ACAD8: variants seen among roughly 807,000 people sequenced by gnomAD.
ACAD8 encodes the protein isobutyryl-CoA dehydrogenase, mitochondrial.
A neutral mutation model predicts 53.1 loss-of-function variants in ACAD8; 47 were observed. The ratio of observed to expected loss-of-function variants is 0.89; its 90% CI spans 0.70 to 1.13. The LOEUF (loss-of-function observed/expected upper bound fraction) is 1.13, where lower values mean the gene tolerates loss of function less well. ACAD8 is among the 50% of genes most tolerant of loss of function. ACAD8 has a pLI of 0.00. For synonymous variants in ACAD8, 198 were observed against 201.3 expected (o/e 0.98, Z 0.14); for missense variants, 494 against 535.0 (o/e 0.92, Z 0.76).
rs373549567 is a variant in ACAD8 at position 134,262,076 on chromosome 11, C to G, written c.1092+186C>G. 1.1e-4 allele frequency: 81 copies of G among 726,910 alleles called. No individual in the cohort carries two copies. In the South Asian group the frequency reaches 1.2e-3, roughly 11 times the overall value. 45.0% of individuals were successfully genotyped at this position (726,910 alleles called of 1,614,324 possible). ...GGAGCTCTCATCGCTGGCTTTTAGG[C>G]CTGCTGCATGCCATTATACACTTCA... On this transcript the variant is annotated intron_variant, in intron 9 of 10. Coordinates refer to ENST00000281182, the MANE Select transcript of ACAD8 (RefSeq NM_014384.3).
rs754957443 is a variant in ACAD8 at position 134,261,769 on chromosome 11, CAA to C, written c.972_973del (p.Arg325AlafsTer36). ...CAATTCACACTGGCTGATATGGCAA[CAA>C]GGCTGGTGGCCGCGCGGCTGATGGT... On this transcript the variant is annotated frameshift_variant, in exon 9 of 11. Transcript: ENST00000281182. LOFTEE classifies it high-confidence loss of function. The surrounding 1 kb of genome is among the most constrained non-coding windows in gnomAD (Gnocchi z 4.2). The C allele has an allele frequency of 6.2e-7, 1 of 1,614,122 alleles. No homozygotes were observed. The highest frequency in any genetic ancestry group is 1.7e-5 in the Admixed American group (1 of 60,022).
intron 3 of ACAD8, among the ~76,000 whole-genome samples, chr11:134,257,501 G>T (rs377623488): frequency 3.9e-5 from 6 of 152,068 alleles, no homozygotes; most frequent in African/African-American, 1.4e-4. Context: ...GTGAAACCCC[G>T]TCCCTGCTAA....
At chr11:134,263,339 C>G (rs988333038) in intron 10 of ACAD8, 48 of 990,392 alleles carry the variant, frequency 4.8e-5, no homozygotes, top group South Asian at 9.2e-5. Flanking sequence ...TTCACAGCAC[C>G]CTTCTCAAAC....
rs761351710 is a variant in ACAD8 at position 134,261,009 on chromosome 11, T to C, written c.706-35T>C. Reference sequence around the variant, plus strand: ...GGGAAGGCCGCCCTACCTGCTGGATTGTTGGGCAACCACGCAGTCCCTGAT... The same window carrying C: ...GGGAAGGCCGCCCTACCTGCTGGATCGTTGGGCAACCACGCAGTCCCTGAT... On this transcript the variant is annotated intron_variant, in intron 6 of 10. Coordinates refer to ENST00000281182, the MANE Select transcript of ACAD8 (RefSeq NM_014384.3). This position sits in a 1 kb window ranked among gnomAD's most constrained non-coding sequence, Gnocchi z 4.2. 16 of 1,608,782 alleles carry C rather than the reference T, an allele frequency of 9.9e-6. No homozygotes were observed. The East Asian group carries it at 3.6e-4, about 36-fold the overall frequency.
At chr11:134,257,328 G>C in intron 3 of ACAD8, 71 bp downstream of exon 3, 1 of 1,570,496 alleles carries the variant, frequency 6.4e-7, no homozygotes, top group Non-Finnish European at 8.7e-7. Context: ...AGATTCGTAG[G>C]AAAAAGATTG....
rs1286926434 is a variant in ACAD8, at chr11:134,255,357, A to T, written c.110-1191A>T. On this transcript the variant is annotated intron_variant, in intron 1 of 10. Transcript: ENST00000281182. ...CACCATGTTGGACAAGCTGGACTTG[A>T]ACTCCTGACCTCAAGTGATCCACCT... 2.0e-5 allele frequency among the ~76,000 whole-genome samples: 3 copies of T among 152,276 alleles called. No individual in the cohort carries two copies. The East Asian group carries it at 5.8e-4, about 29-fold the overall frequency.
intron 3 of ACAD8, chr11:134,258,161 T>G: frequency 2.8e-6 from 1 of 355,876 alleles, no homozygotes; most frequent in Admixed American, 4.0e-5. Context: ...CTCTCACCCT[T>G]TTCCTCAATC....
rs574096439 is a variant in ACAD8, at chr11:134,263,155, T to C, written c.1195+533T>C. On this transcript the variant is annotated intron_variant, in intron 10 of 10. Transcript: ENST00000281182. ...TTCTATCGAGGAAACATGGAAGCCGTTGGGGTCGGGCTCGGAGCCTGGCTG... is the reference window on the plus strand; with the variant it reads ...TTCTATCGAGGAAACATGGAAGCCGCTGGGGTCGGGCTCGGAGCCTGGCTG... 30 of 1,075,454 alleles carry C rather than the reference T, an allele frequency of 2.8e-5. No homozygotes were observed. In the African/African-American group the frequency reaches 4.9e-4, roughly 17 times the overall value. 66.6% of individuals were successfully genotyped at this position (1,075,454 alleles called of 1,614,324 possible).
chr11:134,265,208 T>A lies in ACAD8; in HGVS notation c.*248T>A. 1.8e-6 allele frequency: 1 copy of A among 565,106 alleles called. No individual in the cohort carries two copies. Among genetic ancestry groups the A allele is most frequent in the Non-Finnish European group, 3.1e-6 (1 of 317,700 alleles). 35.0% of individuals were successfully genotyped at this position (565,106 alleles called of 1,614,324 possible). A position where few individuals can be genotyped will look rare whatever the true frequency, so the allele number is the denominator to read the frequency against. ...AACACATACTACCTTGTTTTCCTAA[T>A]GCCAGAAGGGTGACCAGTGAAGATT... On this transcript the variant is annotated 3_prime_UTR_variant, in exon 11 of 11. Coordinates refer to ENST00000281182, the MANE Select transcript of ACAD8 (RefSeq NM_014384.3).
chr11:134,259,177 C>T lies in ACAD8; in HGVS notation c.567+93C>T, dbSNP rs73603085. ...TCCTTCACATCCGCGGGTTAATACTCCCATAGGATTTTTATGTGTTGGGAA... is the reference window on the plus strand; with the variant it reads ...TCCTTCACATCCGCGGGTTAATACTTCCATAGGATTTTTATGTGTTGGGAA... On this transcript the variant is annotated intron_variant, in intron 5 of 10. Transcript: ENST00000281182. The T allele has an allele frequency of 4.9e-3, 5,427 of 1,117,788 alleles. 115 individuals carry two copies. In the African/African-American group the frequency reaches 0.057, roughly 12 times the overall value. The allele number at this position is 1,117,788 out of a possible 1,614,324, so 69.2% of individuals were successfully genotyped here.
intron 6 of ACAD8, 41 bp downstream of exon 6, chr11:134,259,786 C>T (rs370768716): frequency 1.9e-6 from 3 of 1,613,878 alleles, no homozygotes; most frequent in African/African-American, 2.7e-5. Context: ...GGTTATGAGA[C>T]TCTGCCACCT....
At chr11:134,254,253 G>A (rs1382791306) in intron 1 of ACAD8, among the ~76,000 whole-genome samples, 1 of 152,200 alleles carries the variant, frequency 6.6e-6, no homozygotes, top group Non-Finnish European at 1.5e-5. Flanking sequence ...GGTCATACAA[G>A]ATTTGCTCAC....
chr11:134,259,212 T>C (rs1198596638), intron 5 of ACAD8, 128 bp downstream of exon 5: 4 of 823,174 alleles, frequency 4.9e-6, no homozygotes, highest in African/African-American at 1.7e-5. Flanking sequence ...AGAGAACCTC[T>C]GACCCATTTC....
intron 4 of ACAD8, 83 bp from the exon 5 acceptor site, chr11:134,258,925 C>T: frequency 1.7e-6 from 2 of 1,207,130 alleles, no homozygotes; most frequent in African/African-American, 1.5e-5. Context: ...GAGAAGATTT[C>T]CTAGAAGATA....
rs371550147 is a variant in ACAD8, at chr11:134,256,539, T to C, written c.110-9T>C. ...TGTCCTAGAACAGTATATGCAATCC[T>C]GCCCACAGCTTCCATGGGACTTAAT... On this transcript the variant is annotated splice_polypyrimidine_tract_variant and intron_variant, in intron 1 of 10. Transcript: ENST00000281182. The C allele has an allele frequency of 4.9e-5, 79 of 1,612,036 alleles. No homozygotes were observed. Among genetic ancestry groups the C allele is most frequent in the Non-Finnish European group, 6.7e-5 (79 of 1,178,166 alleles).
At chr11:134,264,858 C>G in intron 10 of ACAD8, 50 bp from the exon 11 acceptor site, 1 of 1,557,168 alleles carries the variant, frequency 6.4e-7, no homozygotes, top group East Asian at 2.2e-5. Context: ...CTTTACTAAA[C>G]TCTCAGACTT....
chr11:134,259,083 A>C lies in ACAD8; in HGVS notation c.566A>C (p.Lys189Thr), dbSNP rs1317069087. The C allele has an allele frequency of 1.2e-6, 2 of 1,614,034 alleles. No homozygotes were observed. The highest frequency in any genetic ancestry group is 1.7e-6 in the Non-Finnish European group (2 of 1,179,924). The change falls in exon 5 of 11, where the codon AAG becomes ACG. Residue 189 changes from lysine (K) to threonine (T), a missense_variant and splice_region_variant. Transcript: ENST00000281182. ...QGDHYILNGS[K>T]AFISGAGESD... ...GATCATTACATCCTCAATGGCTCCA[A>C]GGTACTAGCGTGCGTCCTCCCAGAG...
At chr11:134,262,718 T>C in intron 10 of ACAD8, 96 bp downstream of exon 10, 1 of 1,520,382 alleles carries the variant, frequency 6.6e-7, no homozygotes, top group Non-Finnish European at 8.9e-7. Flanking sequence ...GGCCTCAGGG[T>C]GCAGTCAAGC....
chr11:134,262,858 T>G (rs1292775616), intron 10 of ACAD8: 1 of 1,408,494 alleles, frequency 7.1e-7, no homozygotes, highest in East Asian at 3.4e-5. Context: ...CCTTTTCCTC[T>G]GGAGATCTGC....
Sources: gnomAD v4.1 joint callset for allele counts (sites outside exome capture counted in the v4.1 genomes callset) on GRCh38, gnomAD v4.1.1 for gene constraint, Gnocchi (gnomAD v3.1) non-coding constraint, MANE v1.5 for transcripts, NCBI Gene and HGNC (gene_info 2026-07-23, HGNC 2026-07-21) for gene names.